Variants in CYTIP observed in about 807,000 individuals in gnomAD.
CYTIP encodes the protein cytohesin 1 interacting protein.
In CYTIP, 26 loss-of-function variants were observed where a neutral mutation model predicts 43.8. That is an observed-to-expected ratio of 0.59 (90% confidence interval 0.44 to 0.82). The LOEUF is 0.82. Among genes scored for constraint, CYTIP ranks in the 40% least tolerant of loss-of-function variants. CYTIP has a pLI of 0.00. For missense variants in CYTIP, 426 were observed against 443.1 expected (o/e 0.96, Z 0.35); for synonymous variants, 162 against 162.9 (o/e 0.99, Z 0.04).
At chr2:157,430,286 G>C (rs1158924066) in intron 5 of CYTIP, among the ~76,000 whole-genome samples, 6 of 152,036 alleles carry the variant, frequency 3.9e-5, no homozygotes, top group Admixed American at 1.3e-4. Flanking sequence ...AATTGAATTT[G>C]ACATTAAAAA....
In CYTIP at chr2:157,415,467, GT is replaced by G. The variant is rs1342641255; in HGVS notation, c.*209del. The G allele has an allele frequency of 2.0e-6, 1 of 504,814 alleles. No individual in the cohort carries two copies. Among genetic ancestry groups the G allele is most frequent in the East Asian group, 3.4e-5 (1 of 29,492 alleles). The allele number at this position is 504,814 out of a possible 1,614,324, so 31.3% of individuals were successfully genotyped here. A position where few individuals can be genotyped will look rare whatever the true frequency, so the allele number is the denominator to read the frequency against. ...GTTATATTAATTAACTTATTATTTAGTTTTCCTGTCTGCTTAGAAATTGGCT... is the reference window on the plus strand; with the variant it reads ...GTTATATTAATTAACTTATTATTTAGTTTCCTGTCTGCTTAGAAATTGGCT... On this transcript the variant is annotated 3_prime_UTR_variant, in exon 8 of 8. Transcript: ENST00000264192.
chr2:157,430,550 G>A lies in CYTIP; in HGVS notation c.476+9C>T. On this transcript the variant is annotated intron_variant, in intron 5 of 7. Coordinates refer to ENST00000264192, the MANE Select transcript of CYTIP (RefSeq NM_004288.5). ...TTTGAAGCCCCACGGGAACTAGACAGATAGTTACGTTAGCAGGTTTCCGGA... is the reference window on the plus strand; with the variant it reads ...TTTGAAGCCCCACGGGAACTAGACAAATAGTTACGTTAGCAGGTTTCCGGA... 2 of 1,612,146 alleles carry A rather than the reference G, an allele frequency of 1.2e-6. No homozygotes were observed. The highest frequency in any genetic ancestry group is 1.7e-6 in the Non-Finnish European group (2 of 1,178,170).
Position 157,430,855 on chromosome 2 carries a change from G to A in CYTIP, c.382+5C>T. On this transcript the variant is annotated splice_donor_5th_base_variant and intron_variant, in intron 4 of 7. Coordinates refer to ENST00000264192, the MANE Select transcript of CYTIP (RefSeq NM_004288.5). ...ATTCCTAACATGAGCAAAAATTTAA[G>A]TTACCAGCTTGCAGGCCAGCACAGT... The A allele has an allele frequency of 6.3e-7, 1 of 1,595,388 alleles. No individual in the cohort carries two copies. Among genetic ancestry groups the A allele is most frequent in the Non-Finnish European group, 8.5e-7 (1 of 1,174,620 alleles).
At chr2:157,419,886 A>G (rs1250817215) in intron 6 of CYTIP, among the ~76,000 whole-genome samples, 1 of 152,260 alleles carries the variant, frequency 6.6e-6, no homozygotes, top group Non-Finnish European at 1.5e-5. Context: ...AGATTGAACA[A>G]TAACTGGGCA....
chr2:157,430,504 C>T (rs1685695199), intron 5 of CYTIP, 55 bp downstream of exon 5: 1 of 1,485,496 alleles, frequency 6.7e-7, no homozygotes, highest in Non-Finnish European at 9.4e-7. Context: ...ACTCATCAGG[C>T]TTTATGAGAA....
chr2:157,431,529 T>C (rs998530889), intron 3 of CYTIP, among the ~76,000 whole-genome samples: 4 of 152,158 alleles, frequency 2.6e-5, no homozygotes, highest in Admixed American at 2.6e-4. Flanking sequence ...CCTCACCGGT[T>C]CATTAGTCAC....
At chr2:157,434,896 C>CAA in intron 1 of CYTIP, 149 bp from the exon 2 acceptor site, 1 of 405,724 alleles carries the variant, frequency 2.5e-6, no homozygotes, top group Non-Finnish European at 4.7e-6. Context: ...CACACACACA[C>CAA]ACAACCTGTT....
intron 1 of CYTIP, among the ~76,000 whole-genome samples, chr2:157,437,943 G>A (rs537219523): frequency 7.9e-5 from 12 of 152,212 alleles, no homozygotes; most frequent in Non-Finnish European, 1.6e-4. Context: ...AATTAGTACA[G>A]CCACTATGGA....
At chr2:157,419,634 A>G (rs931286818) in intron 6 of CYTIP, among the ~76,000 whole-genome samples, 1 of 152,236 alleles carries the variant, frequency 6.6e-6, no homozygotes, top group Non-Finnish European at 1.5e-5. Flanking sequence ...TCAGGTCCCT[A>G]TAGCAAGCCT....
chr2:157,423,923 A>G (rs1418230465), intron 6 of CYTIP, among the ~76,000 whole-genome samples: 1 of 152,200 alleles, frequency 6.6e-6, no homozygotes, highest in African/African-American at 2.4e-5. Flanking sequence ...GCATAAAAAA[A>G]GTATTTGATA....
chr2:157,415,796 A>G lies in CYTIP; in HGVS notation c.961T>C (p.Leu321=), dbSNP rs1286281904. 6.2e-7 allele frequency: 1 copy of G among 1,614,184 alleles called. No individual in the cohort carries two copies. The highest frequency in any genetic ancestry group is 8.5e-7 in the Non-Finnish European group (1 of 1,180,014). The change falls in exon 8 of 8, where the codon TTA becomes CTA. Residue 321 remains leucine, a synonymous_variant. Coordinates refer to ENST00000264192, the MANE Select transcript of CYTIP (RefSeq NM_004288.5). Reference sequence around the variant, plus strand: ...GGCAGGGTCCCAAACATGCTTGATAAGTTGCCCTCCCACAAGGGAGACATG... The same window carrying G: ...GGCAGGGTCCCAAACATGCTTGATAGGTTGCCCTCCCACAAGGGAGACATG... ...GSMSPLWEGN[L]SSMFGTLPRK... is the part of the protein sequence containing the mutation.
In CYTIP at chr2:157,434,697, C is replaced by T; in HGVS notation, c.224+1G>A. On this transcript the variant is annotated splice_donor_variant, in intron 2 of 7. Coordinates refer to ENST00000264192, the MANE Select transcript of CYTIP (RefSeq NM_004288.5). LOFTEE classifies it high-confidence loss of function. ...GACAAAAAATAATTCAATCTCTTTA[C>T]CTTTGAGACCAGGAAAAGTCACTTA... 6.2e-7 allele frequency: 1 copy of T among 1,607,500 alleles called. No homozygotes were observed. Among genetic ancestry groups the T allele is most frequent in the Non-Finnish European group, 8.5e-7 (1 of 1,175,818 alleles).
In CYTIP at chr2:157,439,650, T is replaced by C. The variant is rs547177431; in HGVS notation, c.174+4197A>G. On this transcript the variant is annotated intron_variant, in intron 1 of 7. Transcript: ENST00000264192. ...TCACAGCATATGCTGGCAACAGCTG[T>C]CTTTTATTACACATTATCTAATATG... Among the ~76,000 whole-genome samples, 3 of 152,298 alleles carry C rather than the reference T, an allele frequency of 2.0e-5. No individual in the cohort carries two copies. The South Asian group carries it at 6.2e-4, about 32-fold the overall frequency.
chr2:157,425,019 A>G (rs1369725738), intron 6 of CYTIP, among the ~76,000 whole-genome samples: 2 of 152,170 alleles, frequency 1.3e-5, no homozygotes, highest in African/African-American at 2.4e-5. Flanking sequence ...AATTTTCCCC[A>G]TACCTCATAA....
intron 5 of CYTIP, 79 bp from the exon 6 acceptor site, chr2:157,427,499 A>G (rs1685631939): frequency 1.0e-6 from 1 of 999,548 alleles, no homozygotes; most frequent in Admixed American, 2.6e-5. Context: ...GTACCATACT[A>G]CAGAGTACTA....
chr2:157,441,604 ACACAC>A (rs1685918979), intron 1 of CYTIP, among the ~76,000 whole-genome samples: 5 of 176 alleles, frequency 0.028, no homozygotes, highest in Non-Finnish European at 0.093. Flanking sequence ...ATATGCACAT[ACACAC>A]ACACACACAC....
At chr2:157,416,205 A>C in intron 7 of CYTIP, 62 bp from the exon 8 acceptor site, 2 of 1,298,102 alleles carry the variant, frequency 1.5e-6, no homozygotes, top group Non-Finnish European at 2.1e-6. Context: ...TAAATACACT[A>C]CATCAAAACT....
rs1300333034 is a variant in CYTIP at position 157,443,718 on chromosome 2, C to A, written c.174+129G>T. The A allele has an allele frequency of 3.0e-6, 3 of 995,732 alleles. No homozygotes were observed. The East Asian group carries it at 7.8e-5, about 26-fold the overall frequency. The allele number at this position is 995,732 out of a possible 1,614,324, so 61.7% of individuals were successfully genotyped here. ...AGCTCCCTGAGCATCTCACCTCCTT[C>A]ACCCATAATAATCAGCCAGTAATTC... On this transcript the variant is annotated intron_variant, in intron 1 of 7. Coordinates refer to ENST00000264192, the MANE Select transcript of CYTIP (RefSeq NM_004288.5).
chr2:157,432,766 A>G (rs1456305480), intron 3 of CYTIP, among the ~76,000 whole-genome samples: 1 of 152,186 alleles, frequency 6.6e-6, no homozygotes, highest in Non-Finnish European at 1.5e-5. Flanking sequence ...ATGAGGTTCT[A>G]TCTGATTTTC....
Sources: allele counts gnomAD v4.1 joint callset (sites outside exome capture counted in the v4.1 genomes callset), GRCh38; gene constraint gnomAD v4.1.1; transcripts MANE v1.5; gene names NCBI Gene and HGNC (gene_info 2026-07-23, HGNC 2026-07-21).